CALHM4: variants seen among roughly 807,000 people sequenced by gnomAD.
The protein encoded by CALHM4 is calcium homeostasis modulator protein 4.
In CALHM4, 16 loss-of-function variants were observed where a neutral mutation model predicts 13.3. That is an observed-to-expected ratio of 1.20 (90% CI 0.81 to 1.82). The LOEUF (loss-of-function observed/expected upper bound fraction) is 1.82, where lower values mean the gene tolerates loss of function less well. Among genes scored for constraint, CALHM4 ranks in the 40% most tolerant of loss-of-function variants. The pLI is 0.00. For synonymous variants in CALHM4, 127 were observed against 137.1 expected (o/e 0.93, Z 0.52); for missense variants, 344 against 374.9 (o/e 0.92, Z 0.68).
intron 1 of CALHM4, chr6:116,543,661 C>T (rs1388963571): frequency 1.8e-5 from 13 of 714,718 alleles, no homozygotes; most frequent in African/African-American, 3.6e-5. Context: ...CATTTGCTTA[C>T]ATGATAACTT....
chr6:116,540,187 G>A (rs1260846921), intron 1 of CALHM4, among the ~76,000 whole-genome samples: 1 of 152,136 alleles, frequency 6.6e-6, no homozygotes, highest in Non-Finnish European at 1.5e-5. Flanking sequence ...GCATCTTTCA[G>A]TTCACAGTAG....
chr6:116,553,163 G>A (rs1477339250), upstream of CALHM4, among the ~76,000 whole-genome samples: 1 of 152,206 alleles, frequency 6.6e-6, no homozygotes, highest in African/African-American at 2.4e-5. Flanking sequence ...TTTTTAAGCA[G>A]CATATAGCAA....
chr6:116,538,299 A>G (rs1447899235), intron 1 of CALHM4, among the ~76,000 whole-genome samples: 1 of 152,246 alleles, frequency 6.6e-6, no homozygotes, highest in Non-Finnish European at 1.5e-5. Flanking sequence ...TCTCTGGGCC[A>G]AGGGCATTTA....
At chr6:116,551,972 G>A (rs1456688001), upstream of CALHM4, among the ~76,000 whole-genome samples, 1 of 152,088 alleles carries the variant, frequency 6.6e-6, no homozygotes, top group Non-Finnish European at 1.5e-5. Context: ...ATAAAAATTA[G>A]TTATTTCTGA....
intron 1 of CALHM4, chr6:116,543,399 T>A: frequency 6.5e-7 from 1 of 1,548,098 alleles, no homozygotes; most frequent in Non-Finnish European, 8.7e-7. Flanking sequence ...GAGATCTTTA[T>A]TCTGGAGAAA....
At chr6:116,535,748 C>G (rs913726924) in intron 1 of CALHM4, among the ~76,000 whole-genome samples, 6 of 152,074 alleles carry the variant, frequency 3.9e-5, no homozygotes, top group Non-Finnish European at 8.8e-5. Context: ...AGACCAACTG[C>G]AAAATTTTTC....
chr6:116,548,855 T>C (rs897693875), upstream of CALHM4, among the ~76,000 whole-genome samples: 3 of 152,270 alleles, frequency 2.0e-5, no homozygotes, highest in African/African-American at 7.2e-5. Context: ...TATTGAATAC[T>C]GCACTGACAA....
Position 116,558,983 on chromosome 6 carries a change from C to G in CALHM4, c.*772C>G, listed in dbSNP as rs189590265. 1 of 152,356 alleles carries G rather than the reference C, an allele frequency of 6.6e-6. No individual in the cohort carries two copies. Among genetic ancestry groups the G allele is most frequent in the East Asian group, 1.9e-4 (1 of 5,194 alleles). 9.4% of individuals were successfully genotyped at this position (152,356 alleles called of 1,614,324 possible). On this transcript the variant is annotated 3_prime_UTR_variant, in exon 2 of 2. Transcript: ENST00000368596. ...TTCTAGAAAGCTTCTCCACTGTGCT[C>G]TACTCCAGAGATACCATTTGTACCT...
intron 2 of CALHM4, among the ~76,000 whole-genome samples, chr6:116,544,729 A>G (rs1463653816): frequency 6.6e-6 from 1 of 152,118 alleles, no homozygotes. Flanking sequence ...AGAAGGCCAG[A>G]GGAGGTATCT....
chr6:116,541,475 C>A (rs563430127), intron 1 of CALHM4, among the ~76,000 whole-genome samples: 1 of 152,234 alleles, frequency 6.6e-6, no homozygotes, highest in African/African-American at 2.4e-5. Context: ...ACTCCAGAGG[C>A]TCTAAAAAGA....
chr6:116,546,217 A>G (rs1773771494), intron 2 of CALHM4, among the ~76,000 whole-genome samples: 1 of 152,242 alleles, frequency 6.6e-6, no homozygotes, highest in Non-Finnish European at 1.5e-5. Context: ...GCTCTACAGT[A>G]TCATAATGTA....
intron 2 of CALHM4, chr6:116,545,465 G>A (rs1417066992): frequency 7.1e-6 from 11 of 1,542,352 alleles, no homozygotes; most frequent in Admixed American, 6.0e-5. Context: ...TTTGTAGAAA[G>A]ATCTTACTAT....
At chr6:116,545,613 C>T in intron 2 of CALHM4, 1 of 1,090,768 alleles carries the variant, frequency 9.2e-7, no homozygotes. Context: ...TTTTTGTAAG[C>T]TCTTCCTCGC....
Position 116,558,459 on chromosome 6 carries a change from C to A in CALHM4, c.*248C>A. On this transcript the variant is annotated 3_prime_UTR_variant, in exon 2 of 2. Coordinates refer to ENST00000368596, the MANE Select transcript of CALHM4 (RefSeq NM_001366078.2). Reference sequence around the variant, plus strand: ...TGTGAAGTCACATGGAAATTTGCATCTTAGTTCTGTTACTTAGTAGCTGTG... The same window carrying A: ...TGTGAAGTCACATGGAAATTTGCATATTAGTTCTGTTACTTAGTAGCTGTG... 2.3e-6 allele frequency: 1 copy of A among 433,816 alleles called. No homozygotes were observed. The highest frequency in any genetic ancestry group is 4.1e-6 in the Non-Finnish European group (1 of 244,632). The allele number at this position is 433,816 out of a possible 1,614,324, so 26.9% of individuals were successfully genotyped here.
intron 1 of CALHM4, among the ~76,000 whole-genome samples, chr6:116,539,024 A>G (rs1393376329): frequency 6.6e-6 from 1 of 152,130 alleles, no homozygotes; most frequent in African/African-American, 2.4e-5. Flanking sequence ...AAAGATCAAG[A>G]GGGAGTCATT....
chr6:116,534,085 C>G (rs1394757373), intron 1 of CALHM4, among the ~76,000 whole-genome samples: 1 of 150,758 alleles, frequency 6.6e-6, no homozygotes, highest in Non-Finnish European at 1.5e-5. Flanking sequence ...GTACTCAACT[C>G]TCACCCATAA....
intron 1 of CALHM4, among the ~76,000 whole-genome samples, chr6:116,531,795 T>C (rs1448134250): frequency 2.6e-5 from 4 of 151,836 alleles, no homozygotes; most frequent in Admixed American, 6.6e-5. Flanking sequence ...ATCCCTCTTC[T>C]GAAACCTTCT....
chr6:116,553,276 A>G (rs1401867937), upstream of CALHM4, among the ~76,000 whole-genome samples: 1 of 152,202 alleles, frequency 6.6e-6, no homozygotes, highest in Admixed American at 6.5e-5. Context: ...CCTTGGGGAA[A>G]TCTTTTGAGC....
At chr6:116,541,406 A>G (rs1773447991) in intron 1 of CALHM4, among the ~76,000 whole-genome samples, 1 of 152,186 alleles carries the variant, frequency 6.6e-6, no homozygotes, top group South Asian at 2.1e-4. Context: ...AAGTGAAACG[A>G]TTTCCAGTGG....
Sources: allele counts gnomAD v4.1 joint callset (sites outside exome capture counted in the v4.1 genomes callset), GRCh38; gene constraint gnomAD v4.1.1; transcripts MANE v1.5; gene names NCBI Gene and HGNC (gene_info 2026-07-23, HGNC 2026-07-21).